The following DPRX variants were observed in gnomAD, a reference collection of about 807,000 sequenced individuals.
DPRX encodes divergent-paired related homeobox.
A neutral mutation model predicts 8.4 loss-of-function variants in DPRX; 11 were observed. That is an observed-to-expected ratio of 1.31 (90% CI 0.82 to 2.17). The LOEUF (loss-of-function observed/expected upper bound fraction) is 2.17. Among genes scored for constraint, DPRX ranks in the 30% most tolerant of loss-of-function variants. The pLI, the probability that DPRX is intolerant of heterozygous loss-of-function variation, is 0.00. For missense variants in DPRX, 211 were observed against 236.7 expected (o/e 0.89, Z 0.71); for synonymous variants, 72 against 87.0 (o/e 0.83, Z 0.96).
At chr19:53,622,460 G>C in the DPRX span, among the ~76,000 whole-genome samples, 4 of 152,084 alleles carry the variant, frequency 2.6e-5, no homozygotes, top group Non-Finnish European at 5.9e-5. Flanking sequence ...AACATAATGA[G>C]ACCTCGTCTT....
chr19:53,624,766 C>T, the DPRX span, among the ~76,000 whole-genome samples: 3 of 144,680 alleles, frequency 2.1e-5, no homozygotes, highest in Non-Finnish European at 1.5e-5. Flanking sequence ...CGCTTGAACC[C>T]GGGAGACGGG....
the DPRX span, among the ~76,000 whole-genome samples, chr19:53,610,612 CA>C: frequency 0.17 from 25,705 of 152,080 alleles, 2,271 homozygotes; most frequent in South Asian, 0.28. Flanking sequence ...GGGGCAGGTG[CA>C]AGGGCTGATG....
chr19:53,617,886 T>G, the DPRX span, among the ~76,000 whole-genome samples: 1 of 152,068 alleles, frequency 6.6e-6, no homozygotes, highest in African/African-American at 2.4e-5. Flanking sequence ...ACTTCTGTAG[T>G]CCCAGCACTT....
chr19:53,610,099 C>T, the DPRX span, among the ~76,000 whole-genome samples: 23 of 141,432 alleles, frequency 1.6e-4, no homozygotes, highest in Non-Finnish European at 2.7e-4. Context: ...TGCCGTGAGC[C>T]GAGATTGGGC....
At chr19:53,618,091 T>G in the DPRX span, among the ~76,000 whole-genome samples, 144 of 149,444 alleles carry the variant, frequency 9.6e-4, 1 homozygote, top group African/African-American at 2.6e-3. Context: ...GCAGTGAGCC[T>G]AGATCGCTGC....
chr19:53,624,887 A>G, the DPRX span, among the ~76,000 whole-genome samples: 1 of 151,760 alleles, frequency 6.6e-6, no homozygotes, highest in Non-Finnish European at 1.5e-5. Flanking sequence ...CAGGAAATAC[A>G]AATCAGATGA....
chr19:53,626,843 C>T, the DPRX span, among the ~76,000 whole-genome samples: 6 of 152,022 alleles, frequency 3.9e-5, no homozygotes, highest in Middle Eastern at 3.2e-3. Flanking sequence ...GGATTATAGG[C>T]GCCTGCCATC....
At chr19:53,611,397 T>G in the DPRX span, among the ~76,000 whole-genome samples, 3 of 151,960 alleles carry the variant, frequency 2.0e-5, no homozygotes, top group African/African-American at 7.2e-5. Flanking sequence ...CACACCCAGA[T>G]AATTTTTGTA....
At chr19:53,617,936 C>A in the DPRX span, among the ~76,000 whole-genome samples, 3 of 151,728 alleles carry the variant, frequency 2.0e-5, no homozygotes, top group Non-Finnish European at 2.9e-5. Context: ...TCAGGAGTTC[C>A]AGACCAGCCT....
the DPRX span, among the ~76,000 whole-genome samples, chr19:53,613,313 A>G: frequency 2.0e-5 from 3 of 151,916 alleles, no homozygotes; most frequent in Non-Finnish European, 4.4e-5. Flanking sequence ...GTCCAAGAGG[A>G]GGGGGGAGGT....
At chr19:53,611,647 A>G in the DPRX span, among the ~76,000 whole-genome samples, 1 of 152,286 alleles carries the variant, frequency 6.6e-6, no homozygotes, top group African/African-American at 2.4e-5. Flanking sequence ...TAAGGAGGAG[A>G]AGAATAACAC....
chr19:53,623,475 C>A, the DPRX span, among the ~76,000 whole-genome samples: 1 of 151,218 alleles, frequency 6.6e-6, no homozygotes. Flanking sequence ...CCTATTTCTA[C>A]TAAAAATACA....
chr19:53,629,643 A>T (rs560693546), upstream of DPRX: 2 of 151,878 alleles, frequency 1.3e-5, no homozygotes, highest in Admixed American at 1.3e-4. Context: ...CACTATCACA[A>T]GATAAAAATG....
At chr19:53,633,371 TAATG>T (rs1200993751) in intron 1 of DPRX, among the ~76,000 whole-genome samples, 1 of 152,220 alleles carries the variant, frequency 6.6e-6, no homozygotes, top group Non-Finnish European at 1.5e-5. Flanking sequence ...AGAATATACT[TAATG>T]AACATTGAAT....
the DPRX span, among the ~76,000 whole-genome samples, chr19:53,624,314 C>T: frequency 6.9e-6 from 1 of 144,684 alleles, no homozygotes; most frequent in African/African-American, 2.5e-5. Context: ...GTCTCAAACT[C>T]CTGACCTCAG....
At chr19:53,612,705 T>G in the DPRX span, among the ~76,000 whole-genome samples, 1 of 150,952 alleles carries the variant, frequency 6.6e-6, no homozygotes, top group African/African-American at 2.4e-5. Flanking sequence ...AGACTCGGTC[T>G]CAAAAAGAAA....
At chr19:53,634,452 G>A in intron 1 of DPRX, 79 bp from the exon 2 acceptor site, 3 of 1,518,460 alleles carry the variant, frequency 2.0e-6, no homozygotes, top group Non-Finnish European at 2.7e-6. Flanking sequence ...TACCTCAGTG[G>A]AAAGGAAAGG....
the DPRX span, among the ~76,000 whole-genome samples, chr19:53,618,908 C>G: frequency 6.6e-6 from 1 of 152,072 alleles, no homozygotes; most frequent in Non-Finnish European, 1.5e-5. Context: ...TCTTGAACCC[C>G]TGACCTCAGG....
At chr19:53,602,626 C>A in the DPRX span, among the ~76,000 whole-genome samples, 3 of 151,544 alleles carry the variant, frequency 2.0e-5, no homozygotes, top group African/African-American at 7.3e-5. Context: ...CTCGGCCTCT[C>A]CGGTTCAAAT....
Sources: allele counts gnomAD v4.1 joint callset (sites outside exome capture counted in the v4.1 genomes callset), GRCh38; gene constraint gnomAD v4.1.1; transcripts MANE v1.5; gene names NCBI Gene and HGNC (gene_info 2026-07-23, HGNC 2026-07-21).